The following STK3 variants were observed in gnomAD, a reference collection of about 807,000 sequenced individuals.
STK3 encodes the protein serine/threonine-protein kinase 3.
In STK3, 41 loss-of-function variants were observed where a neutral mutation model predicts 58.0. The observed-to-expected ratio is 0.71, with a 90% confidence interval of 0.55 to 0.92. STK3 has a LOEUF of 0.92. Ranked by LOEUF, STK3 falls within the 40% of genes least tolerant of loss-of-function variation. The pLI is 0.00. For synonymous variants in STK3, 170 were observed against 191.0 expected, an observed-to-expected ratio of 0.89 and a Z score of 0.91; for missense variants, 479 against 602.7, an observed-to-expected ratio of 0.79 and a Z score of 2.15.
intron 3 of STK3, chr8:98,431,869 A>G (rs1818338166): frequency 6.0e-6 from 1 of 167,086 alleles, no homozygotes; most frequent in Non-Finnish European, 1.5e-5. Flanking sequence ...ACTTATATAA[A>G]ATATTATCTT....
intron 9 of STK3, among the ~76,000 whole-genome samples, chr8:98,536,526 T>A (rs1809778165): frequency 6.6e-6 from 1 of 152,178 alleles, no homozygotes; most frequent in Non-Finnish European, 1.5e-5. Flanking sequence ...CAATCCTTTC[T>A]GTTTTTTGCT....
At chr8:98,602,474 G>A (rs1461668824) in intron 6 of STK3, among the ~76,000 whole-genome samples, 1 of 152,202 alleles carries the variant, frequency 6.6e-6, no homozygotes, top group Non-Finnish European at 1.5e-5. Context: ...CAAGCCTCCA[G>A]AACTGTGAGC....
intron 1 of STK3, chr8:98,904,518 A>G: frequency 4.9e-6 from 2 of 410,748 alleles, no homozygotes; most frequent in Non-Finnish European, 9.5e-6. Flanking sequence ...ACATCCTGGC[A>G]AAGGGGACCG....
chr8:98,552,254 C>A (rs1157335104), intron 8 of STK3, among the ~76,000 whole-genome samples: 1 of 152,044 alleles, frequency 6.6e-6, no homozygotes, highest in Non-Finnish European at 1.5e-5. Flanking sequence ...TTATTGTTTC[C>A]ATTTTTGCCC....
intron 3 of STK3, among the ~76,000 whole-genome samples, chr8:98,837,097 T>C (rs1835774109): frequency 6.6e-6 from 1 of 152,124 alleles, no homozygotes; most frequent in Non-Finnish European, 1.5e-5. Context: ...CTTGAAATGG[T>C]CTCAGATACC....
At chr8:98,540,040 C>A (rs1422630709) in intron 9 of STK3, among the ~76,000 whole-genome samples, 1 of 152,238 alleles carries the variant, frequency 6.6e-6, no homozygotes, top group Non-Finnish European at 1.5e-5. Flanking sequence ...AGGCGTGAGC[C>A]ACTGCGCCCG....
Position 98,864,197 on chromosome 8 carries a change from CAAAAAAAAAAAA to C in STK3, c.110+19438_110+19449del, listed in dbSNP as rs35196007. ...TGGGCGACAGAGCGAGACTCCTTCTCAAAAAAAAAAAAAAAAAAAAAAAAAAAGTCTCAATCA... is the reference window on the plus strand; with the variant it reads ...TGGGCGACAGAGCGAGACTCCTTCTCAAAAAAAAAAAAAAAGTCTCAATCA... On this transcript the variant is annotated intron_variant, in intron 3 of 12. Coordinates refer to the STK3 transcript ENST00000523601. Among the ~76,000 whole-genome samples, 15 of 37,456 alleles carry C rather than the reference CAAAAAAAAAAAA, an allele frequency of 4.0e-4. No homozygotes were observed. In the South Asian group the frequency reaches 0.011, roughly 28 times the overall value. 24.6% of individuals were successfully genotyped at this position (37,456 alleles called of 152,430 possible). A position where few individuals can be genotyped will look rare whatever the true frequency, so the allele number is the denominator to read the frequency against.
the STK3 span, among the ~76,000 whole-genome samples, chr8:98,361,019 T>C: frequency 3.3e-5 from 5 of 152,116 alleles, no homozygotes; most frequent in Non-Finnish European, 5.9e-5. Context: ...AATCACAAGG[T>C]CAAAATTGGA....
intron 6 of STK3, among the ~76,000 whole-genome samples, chr8:98,624,822 C>G (rs564874400): frequency 1.3e-5 from 2 of 150,990 alleles, no homozygotes; most frequent in South Asian, 4.2e-4. Context: ...CCACTGCACT[C>G]AAGCCTGGGC....
chr8:98,508,341 A>G (rs2131393078), intron 10 of STK3, among the ~76,000 whole-genome samples: 1 of 152,314 alleles, frequency 6.6e-6, no homozygotes, highest in East Asian at 1.9e-4. Context: ...ATAATCACCT[A>G]TCTACTAGAA....
At chr8:98,750,796 C>T (rs534719919) in intron 3 of STK3, among the ~76,000 whole-genome samples, 1 of 152,084 alleles carries the variant, frequency 6.6e-6, no homozygotes, top group East Asian at 1.9e-4. Context: ...AGAGATACAA[C>T]AAAAAAAGAA....
intron 6 of STK3, among the ~76,000 whole-genome samples, chr8:98,644,216 ATCT>A (rs999367137): frequency 1.3e-5 from 2 of 152,268 alleles, no homozygotes; most frequent in East Asian, 1.9e-4. Context: ...CTGGCCAAAA[ATCT>A]TCTTTTCATT....
intron 3 of STK3, among the ~76,000 whole-genome samples, chr8:98,871,322 T>C (rs946678045): frequency 3.3e-5 from 5 of 151,976 alleles, no homozygotes; most frequent in Admixed American, 6.5e-5. Flanking sequence ...GTCTTGGCAA[T>C]GCGGGCTCTT....
chr8:98,864,067 C>A (rs1254692399), intron 3 of STK3, among the ~76,000 whole-genome samples: 1 of 151,624 alleles, frequency 6.6e-6, no homozygotes, highest in Non-Finnish European at 1.5e-5. Context: ...GGTGTGGTGG[C>A]GGGTGCCTGT....
intron 3 of STK3, among the ~76,000 whole-genome samples, chr8:98,419,342 C>T (rs1317490173): frequency 6.6e-6 from 1 of 151,752 alleles, no homozygotes; most frequent in East Asian, 1.9e-4. Flanking sequence ...GTGTGGGCAA[C>T]AGAGCGAGAC....
chr8:98,598,753 T>C, intron 6 of STK3: 1 of 985,402 alleles, frequency 1.0e-6, no homozygotes, highest in African/African-American at 1.7e-5. Context: ...TCTAACACCA[T>C]TTTGATTGAA....
chr8:98,407,499 G>A (rs189977236), intron 3 of STK3, among the ~76,000 whole-genome samples: 8 of 152,222 alleles, frequency 5.3e-5, no homozygotes, highest in East Asian at 1.9e-4. Context: ...GAACCAGCTC[G>A]ACTTGAAAGG....
At chr8:98,581,389 A>G (rs753583593) in intron 7 of STK3, among the ~76,000 whole-genome samples, 19 of 152,084 alleles carry the variant, frequency 1.2e-4, no homozygotes, top group Non-Finnish European at 2.4e-4. Flanking sequence ...AGGCTCCCAC[A>G]TGGTCTTCAC....
At chr8:98,707,539 A>G (rs778177438) in intron 4 of STK3, among the ~76,000 whole-genome samples, 2 of 152,054 alleles carry the variant, frequency 1.3e-5, no homozygotes, top group African/African-American at 4.8e-5. Flanking sequence ...AGTAGCTAGA[A>G]CTACAGGCAC....
Sources: gnomAD v4.1 joint callset for allele counts (sites outside exome capture counted in the v4.1 genomes callset) on GRCh38, gnomAD v4.1.1 for gene constraint, MANE v1.5 for transcripts, NCBI Gene and HGNC (gene_info 2026-07-23, HGNC 2026-07-21) for gene names.